ANO1: variants seen among roughly 807,000 people sequenced by gnomAD.
ANO1 encodes the protein anoctamin 1.
Under a neutral mutation model 124.0 loss-of-function variants are expected in ANO1, and 59 were observed. That is an observed-to-expected ratio of 0.48 (90% CI 0.39 to 0.59). The LOEUF (loss-of-function observed/expected upper bound fraction) is 0.59. Among genes scored for constraint, ANO1 ranks in the 20% least tolerant of loss-of-function variants. The pLI, the probability that ANO1 is intolerant of heterozygous loss-of-function variation, is 0.00. For missense variants in ANO1, 1,059 were observed against 1,328.0 expected, an observed-to-expected ratio of 0.80 and a Z score of 3.15; for synonymous variants, 529 against 532.0, an observed-to-expected ratio of 0.99 and a Z score of 0.08.
intron 1 of ANO1, among the ~76,000 whole-genome samples, chr11:70,025,044 G>A (rs782114313): frequency 6.6e-6 from 1 of 152,164 alleles, no homozygotes; most frequent in Non-Finnish European, 1.5e-5. Flanking sequence ...GAAAAAAGAT[G>A]GACAAGAAAA....
At chr11:70,162,538 C>A (rs3781657) in intron 18 of ANO1, among the ~76,000 whole-genome samples, 1 of 152,048 alleles carries the variant, frequency 6.6e-6, no homozygotes, top group Admixed American at 6.5e-5. Context: ...AAACCTTCCA[C>A]GCCTGGGCCC....
intron 1 of ANO1, among the ~76,000 whole-genome samples, chr11:70,022,925 C>A (rs940479792): frequency 6.6e-6 from 1 of 152,074 alleles, no homozygotes; most frequent in Non-Finnish European, 1.5e-5. Flanking sequence ...GAAGCAGAGT[C>A]GGGGAAGACA....
At chr11:70,143,935 A>G (rs1449697814) in intron 11 of ANO1, among the ~76,000 whole-genome samples, 2 of 152,128 alleles carry the variant, frequency 1.3e-5, no homozygotes, top group East Asian at 1.9e-4. Context: ...ATTCCAGAAC[A>G]TTTTCATGAC....
intron 25 of ANO1, 25 bp downstream of exon 25, chr11:70,185,720 C>G: frequency 6.2e-7 from 1 of 1,610,264 alleles, no homozygotes; most frequent in Non-Finnish European, 8.5e-7. Context: ...TCTTTGTTTC[C>G]GGTTTGAAGA....
chr11:70,186,110 A>C lies in ANO1; in HGVS notation c.2694+415A>C, dbSNP rs1227357604. On this transcript the variant is annotated intron_variant, in intron 25 of 25. Coordinates refer to ENST00000355303, the MANE Select transcript of ANO1 (RefSeq NM_018043.7). ...AGACCAGCCTGGCCAACATGGTGAA[A>C]CCCTGTCTCTACTAAAAATATCAAA... Among the ~76,000 whole-genome samples the C allele has an allele frequency of 3.3e-5, 5 of 152,112 alleles. No homozygotes were observed. In the East Asian group the frequency reaches 7.7e-4, roughly 24 times the overall value.
At chr11:70,162,187 C>A (rs1590891832) in intron 18 of ANO1, among the ~76,000 whole-genome samples, 1 of 142,772 alleles carries the variant, frequency 7.0e-6, no homozygotes, top group African/African-American at 2.6e-5. Context: ...CAGTGGGGAC[C>A]CCAGACAGTG....
At chr11:70,135,387 C>T (rs937380370) in intron 11 of ANO1, among the ~76,000 whole-genome samples, 6 of 152,184 alleles carry the variant, frequency 3.9e-5, no homozygotes, top group African/African-American at 9.7e-5. Context: ...GAGCTGGTCT[C>T]ATCTGACACA....
the ANO1 span, among the ~76,000 whole-genome samples, chr11:69,976,693 A>C: frequency 6.6e-6 from 1 of 152,050 alleles, no homozygotes; most frequent in Admixed American, 6.6e-5. Context: ...TTGATCTTGA[A>C]CTCCAACTTC....
intron 24 of ANO1, among the ~76,000 whole-genome samples, chr11:70,183,989 C>T (rs1005545365): frequency 6.6e-6 from 1 of 152,174 alleles, no homozygotes; most frequent in Non-Finnish European, 1.5e-5. Context: ...AGGTGGTAGT[C>T]GGAGTGGGCG....
At chr11:70,028,874 T>C (rs1228042382) in intron 1 of ANO1, among the ~76,000 whole-genome samples, 3 of 152,164 alleles carry the variant, frequency 2.0e-5, no homozygotes, top group African/African-American at 7.2e-5. Flanking sequence ...CTCTGCCTCC[T>C]GGGTTCAAGT....
intron 12 of ANO1, among the ~76,000 whole-genome samples, chr11:70,150,137 G>A (rs748300406): frequency 6.6e-6 from 1 of 152,172 alleles, no homozygotes; most frequent in Non-Finnish European, 1.5e-5. Flanking sequence ...CACCACCCGT[G>A]GGGGTGGAGA....
chr11:70,068,582 C>T (rs1424321769), intron 1 of ANO1, among the ~76,000 whole-genome samples: 1 of 152,134 alleles, frequency 6.6e-6, no homozygotes, highest in Non-Finnish European at 1.5e-5. Context: ...TAGCAGAAGG[C>T]TTGGAGACGT....
Position 70,161,764 on chromosome 11 carries a change from C to T in ANO1, c.1892+31C>T, listed in dbSNP as rs78838088. ...GACATCTTCAGCCTTTCCCCAACCT[C>T]GCTTCTCCCAGGTCCAGGAGAGGGC... On this transcript the variant is annotated intron_variant, in intron 18 of 25. Coordinates refer to ENST00000355303, the MANE Select transcript of ANO1 (RefSeq NM_018043.7). 5.0e-3 allele frequency: 8,071 copies of T among 1,602,066 alleles called. 364 individuals are homozygous for T. In the African/African-American group the frequency reaches 0.097, roughly 19 times the overall value.
intron 22 of ANO1, among the ~76,000 whole-genome samples, chr11:70,173,129 G>A (rs539301327): frequency 3.3e-5 from 5 of 152,096 alleles, no homozygotes; most frequent in South Asian, 4.1e-4. Flanking sequence ...CTTCTCTTAC[G>A]CTTGGCTGTC....
chr11:70,165,156 C>T (rs892005797), intron 19 of ANO1, among the ~76,000 whole-genome samples: 3 of 152,172 alleles, frequency 2.0e-5, no homozygotes, highest in African/African-American at 7.2e-5. Flanking sequence ...TTACTTGCCT[C>T]TCCACCCTCT....
At chr11:69,967,225 C>T in the ANO1 span, among the ~76,000 whole-genome samples, 16 of 29,452 alleles carry the variant, frequency 5.4e-4, no homozygotes, top group South Asian at 1.7e-3. Flanking sequence ...TCCGAGCGCC[C>T]GTATCACACG....
chr11:70,124,328 C>T, intron 8 of ANO1, 22 bp from the exon 9 acceptor site: 1 of 1,613,488 alleles, frequency 6.2e-7, no homozygotes, highest in Non-Finnish European at 8.5e-7. Context: ...TGTCACCAAC[C>T]CCACTGCTTC....
intron 1 of ANO1, among the ~76,000 whole-genome samples, chr11:70,086,912 G>A (rs1245662444): frequency 6.6e-6 from 1 of 152,250 alleles, no homozygotes; most frequent in Non-Finnish European, 1.5e-5. Context: ...GACTAAGACA[G>A]TGAAAGCCTC....
upstream of ANO1, among the ~76,000 whole-genome samples, chr11:69,981,262 C>CT (rs1855957466): frequency 6.6e-6 from 1 of 152,296 alleles, no homozygotes; most frequent in African/African-American, 2.4e-5. Flanking sequence ...GTGCAAGCCC[C>CT]ACTCTCCCAC....
Sources: gnomAD v4.1 joint callset for allele counts (sites outside exome capture counted in the v4.1 genomes callset) on GRCh38, gnomAD v4.1.1 for gene constraint, MANE v1.5 for transcripts, NCBI Gene and HGNC (gene_info 2026-07-23, HGNC 2026-07-21) for gene names.